ZNF532: variants seen among roughly 807,000 people sequenced by gnomAD.
ZNF532 encodes the protein zinc finger protein 532.
A neutral mutation model predicts 89.3 loss-of-function variants in ZNF532; 22 were observed. That is an observed-to-expected ratio of 0.25 (90% confidence interval 0.18 to 0.35). The LOEUF (loss-of-function observed/expected upper bound fraction) is 0.35. ZNF532 is among the 10% of genes least tolerant of loss of function. The pLI is 1.00. For missense variants in ZNF532, 1,132 were observed against 1,643.4 expected, an observed-to-expected ratio of 0.69 and a Z score of 5.38; for synonymous variants, 606 against 649.6, an observed-to-expected ratio of 0.93 and a Z score of 1.02.
chr18:58,979,938 T>G (rs1198768869), intron 8 of ZNF532: 3 of 152,232 alleles, frequency 2.0e-5, no homozygotes, highest in African/African-American at 4.8e-5. Flanking sequence ...AGCTGCTGCT[T>G]CATACGTGAA....
chr18:58,888,850 T>G (rs2058628382), intron 2 of ZNF532, among the ~76,000 whole-genome samples: 1 of 57,258 alleles, frequency 1.7e-5, no homozygotes, highest in African/African-American at 9.7e-5. Context: ...TTTATATATA[T>G]ATAATTTATA....
At chr18:58,973,634 C>T (rs1041901621) in intron 7 of ZNF532, among the ~76,000 whole-genome samples, 12 of 152,112 alleles carry the variant, frequency 7.9e-5, no homozygotes, top group East Asian at 5.8e-4. Flanking sequence ...TTAGTAATCC[C>T]GCTCCTGGGT....
At chr18:58,876,175 C>G (rs867612482) in intron 2 of ZNF532, among the ~76,000 whole-genome samples, 1 of 152,110 alleles carries the variant, frequency 6.6e-6, no homozygotes, top group Admixed American at 6.6e-5. Context: ...ACCTCGTGAT[C>G]CGCCTGCCTC....
At chr18:58,925,780 G>T (rs2061473754) in intron 3 of ZNF532, among the ~76,000 whole-genome samples, 1 of 152,142 alleles carries the variant, frequency 6.6e-6, no homozygotes, top group Non-Finnish European at 1.5e-5. Flanking sequence ...GTTGATGTTT[G>T]TATCAGGTGT....
intron 5 of ZNF532, among the ~76,000 whole-genome samples, chr18:58,941,604 A>AGGTGCACACGCATACCACC (rs1295570869): frequency 6.6e-6 from 1 of 151,382 alleles, no homozygotes; most frequent in African/African-American, 2.4e-5. Context: ...CTGGGACCAC[A>AGGTGCACACGCATACCACC]GGTGCACACG....
intron 2 of ZNF532, among the ~76,000 whole-genome samples, chr18:58,878,421 G>A (rs1183986336): frequency 2.0e-5 from 3 of 152,188 alleles, no homozygotes; most frequent in Non-Finnish European, 4.4e-5. Context: ...GGCAGGAGTC[G>A]GCAGTCCGAA....
At chr18:58,867,703 T>C (rs1444602319) in intron 2 of ZNF532, among the ~76,000 whole-genome samples, 1 of 152,220 alleles carries the variant, frequency 6.6e-6, no homozygotes, top group African/African-American at 2.4e-5. Context: ...GGAGCAGGAA[T>C]GTGTGGGTTT....
chr18:58,971,104 A>G (rs766889598), intron 7 of ZNF532, among the ~76,000 whole-genome samples: 5 of 152,208 alleles, frequency 3.3e-5, no homozygotes, highest in Admixed American at 2.6e-4. Flanking sequence ...AGCAGACCAG[A>G]CAGTCTTATA....
chr18:58,922,739 C>T (rs1215291821), intron 3 of ZNF532, among the ~76,000 whole-genome samples: 1 of 151,306 alleles, frequency 6.6e-6, no homozygotes, highest in Non-Finnish European at 1.5e-5. Context: ...GTAGAGCGGT[C>T]GACTGTGTCC....
rs2068172014 is a variant in ZNF532 at position 58,984,153 on chromosome 18, C to T, written c.3593C>T (p.Ser1198Leu). The T allele has an allele frequency of 3.7e-6, 6 of 1,611,916 alleles. No individual in the cohort carries two copies. Among genetic ancestry groups the T allele is most frequent in the South Asian group, 1.1e-5 (1 of 90,980 alleles). Residue 1198 changes from serine (S) to leucine (L), a missense_variant, in exon 10 of 10, where the codon TCG (serine) becomes TTG (leucine). Coordinates refer to ENST00000591808, the MANE Select transcript of ZNF532 (RefSeq NM_001375912.1). The part of the protein sequence containing the change: ...QFHEHIPQHK[S>L]DGSSYQCREC... The stretch of plus-strand genomic sequence containing the variant: ...CACGAACACATCCCTCAGCACAAAT[C>T]GGATGGTTCTTCCTACCAGTGCCGG...
At chr18:58,889,813 G>A (rs935181442) in intron 2 of ZNF532, among the ~76,000 whole-genome samples, 3 of 151,322 alleles carry the variant, frequency 2.0e-5, no homozygotes, top group African/African-American at 4.9e-5. Flanking sequence ...GGCTAGGCGC[G>A]GTGGCTCACG....
chr18:58,940,709 T>G (rs1305908110), intron 5 of ZNF532, among the ~76,000 whole-genome samples: 1 of 152,178 alleles, frequency 6.6e-6, no homozygotes, highest in Non-Finnish European at 1.5e-5. Flanking sequence ...TCAGCATTAG[T>G]TCCTTCCTGT....
upstream of ZNF532, chr18:58,863,827 AG>A: frequency 6.6e-6 from 1 of 152,220 alleles, no homozygotes; most frequent in Non-Finnish European, 1.5e-5. Context: ...AGCCGGACCC[AG>A]GGGCGCGGGT....
intron 4 of ZNF532, 117 bp from the exon 5 acceptor site, chr18:58,939,328 C>T (rs998214880): frequency 1.9e-5 from 12 of 632,972 alleles, no homozygotes; most frequent in African/African-American, 7.6e-5. Flanking sequence ...AATATACTTC[C>T]GAAGGGCCAT....
chr18:58,869,287 G>A (rs773526207), intron 2 of ZNF532, among the ~76,000 whole-genome samples: 42 of 152,164 alleles, frequency 2.8e-4, no homozygotes, highest in Non-Finnish European at 4.9e-4. Context: ...GAAAGAGATC[G>A]TAGTGAACAT....
rs2068393414 is a variant in ZNF532 at position 58,986,428 on chromosome 18, A to C, written c.*1962A>C. ...ATGCTCGCTCTATGTGGTTATGTAC[A>C]TATTGACAAATATTCATTTATTCAA... On this transcript the variant is annotated 3_prime_UTR_variant, in exon 10 of 10. Coordinates refer to ENST00000591808, the MANE Select transcript of ZNF532 (RefSeq NM_001375912.1). 6.5e-6 allele frequency: 1 copy of C among 152,786 alleles called. No individual in the cohort carries two copies. Among genetic ancestry groups the C allele is most frequent in the Middle Eastern group, 3.4e-3 (1 of 294 alleles). The allele number at this position is 152,786 out of a possible 1,614,324, so 9.5% of individuals were successfully genotyped here.
chr18:58,898,175 T>C (rs1019723841), intron 2 of ZNF532, among the ~76,000 whole-genome samples: 4 of 152,232 alleles, frequency 2.6e-5, no homozygotes, highest in Admixed American at 6.5e-5. Context: ...TCATTTGAGA[T>C]AGTACCTGCT....
chr18:58,892,207 G>A (rs2058950829), intron 2 of ZNF532, among the ~76,000 whole-genome samples: 2 of 152,288 alleles, frequency 1.3e-5, no homozygotes, highest in Admixed American at 6.5e-5. Flanking sequence ...GTGTCTCAAA[G>A]GGTTTTTTCT....
rs892372444 is a variant in ZNF532 at position 58,948,143 on chromosome 18, A to G, written c.2782A>G (p.Ile928Val). ...TLLYRHFDQH[I>V]ENQKVSVFKC... The stretch of plus-strand genomic sequence containing the variant: ...GCTGTATCGCCACTTTGACCAACAC[A>G]TTGAAAACCAGAAGGTGTCTGTTTT... The change falls in exon 6 of 10, where the codon ATT (isoleucine) becomes GTT (valine). Residue 928 changes from isoleucine to valine, a missense_variant. This residue lies in a region of ZNF532 where 415 missense variants were observed against 604.8 expected (regional missense o/e 0.69). Coordinates refer to ENST00000591808, the MANE Select transcript of ZNF532 (RefSeq NM_001375912.1). 12 of 1,613,932 alleles carry G rather than the reference A, an allele frequency of 7.4e-6. No homozygotes were observed. The highest frequency in any genetic ancestry group is 1.3e-5 in the African/African-American group (1 of 74,938).
Sources: gnomAD v4.1 joint callset for allele counts (sites outside exome capture counted in the v4.1 genomes callset) on GRCh38, gnomAD v4.1.1 for gene constraint, gnomAD v4.1.1 regional missense constraint, MANE v1.5 for transcripts, NCBI Gene and HGNC (gene_info 2026-07-23, HGNC 2026-07-21) for gene names.